Variants in CRYBG2 observed in about 807,000 individuals in gnomAD.
CRYBG2 encodes the protein crystallin beta-gamma domain containing 2.
CRYBG2 carries 106 observed loss-of-function variants against 153.4 expected under a neutral mutation model. The ratio of observed to expected loss-of-function variants is 0.69; its 90% CI spans 0.59 to 0.81. The LOEUF is 0.81. CRYBG2 is among the 30% of genes least tolerant of loss of function. CRYBG2 has a pLI of 0.00. For missense variants in CRYBG2, 1,996 were observed against 2,112.0 expected (o/e 0.95, Z 1.08); for synonymous variants, 851 against 877.8 (o/e 0.97, Z 0.54).
In CRYBG2 at chr1:26,322,255, G is replaced by C. The variant is rs915793747; in HGVS notation, c.4806C>G (p.Ala1602=). The C allele has an allele frequency of 6.2e-7, 1 of 1,613,982 alleles. No homozygotes were observed. Among genetic ancestry groups the C allele is most frequent in the Non-Finnish European group, 8.5e-7 (1 of 1,180,014 alleles). The change falls in exon 19 of 20, where the codon GCC becomes GCG. Residue 1602 remains alanine (A), a synonymous_variant. Coordinates refer to ENST00000308182, the MANE Select transcript of CRYBG2 (RefSeq NM_001039775.4). The part of the protein sequence containing the change: ...PSPGSKVVLW[A]ESRLPRQTWS... The stretch of plus-strand genomic sequence containing the variant: ...ACGTCTGGCGCGGCAGGCGGCTCTC[G>C]GCCCACAGCACCACCTTGGAGCCTG...
chr1:26,338,289 G>A, intron 7 of CRYBG2, 62 bp downstream of exon 7: 2 of 1,534,538 alleles, frequency 1.3e-6, no homozygotes, highest in East Asian at 2.3e-5. Context: ...TGCAGGACCA[G>A]CTACTTGGGA....
In CRYBG2 at chr1:26,343,309, G is replaced by T. The variant is rs535496107; in HGVS notation, c.2914-16C>A. ...AGGCTGGGCTCTGAAACGGAGGCAG[G>T]TGATAAAGAAGTCCTGTGGGGTCAC... On this transcript the variant is annotated splice_polypyrimidine_tract_variant and intron_variant, in intron 2 of 19. Coordinates refer to ENST00000308182, the MANE Select transcript of CRYBG2 (RefSeq NM_001039775.4). This position sits in a 1 kb window ranked among gnomAD's most constrained non-coding sequence, Gnocchi z 4.1. 5.2e-6 allele frequency: 8 copies of T among 1,550,318 alleles called. No individual in the cohort carries two copies. The highest frequency in any genetic ancestry group is 6.1e-6 in the Non-Finnish European group (7 of 1,146,930).
In CRYBG2 at chr1:26,336,478, C is replaced by T; in HGVS notation, c.4039-108G>A. ...CGCGGCCGCGCCCTCGGCCCCGCCC[C>T]CTTCTAAGGCCCCGCCCCAAGCGCC... On this transcript the variant is annotated intron_variant, in intron 12 of 19. Transcript: ENST00000308182. The surrounding 1 kb of genome is among the most constrained non-coding windows in gnomAD (Gnocchi z 4.9). The T allele has an allele frequency of 6.4e-7, 1 of 1,550,484 alleles. No homozygotes were observed. Among genetic ancestry groups the T allele is most frequent in the Non-Finnish European group, 8.7e-7 (1 of 1,146,432 alleles).
intron 6 of CRYBG2, 40 bp from the exon 7 acceptor site, chr1:26,338,517 A>G: frequency 6.5e-7 from 1 of 1,537,126 alleles, no homozygotes; most frequent in Non-Finnish European, 8.7e-7. Flanking sequence ...TAGCAGAGAG[A>G]CTTCAAGGGA....
rs762265278 is a variant in CRYBG2, at chr1:26,336,929, G to GC, written c.3822dup (p.His1275AlafsTer53). ...AATGCCTTGCTCACCTCCACGCCGT[G>GC]CCCCTCGAAGTCCATGGCCTCAAAT... On this transcript the variant is annotated frameshift_variant, in exon 11 of 20. Coordinates refer to ENST00000308182, the MANE Select transcript of CRYBG2 (RefSeq NM_001039775.4). LOFTEE classifies it high-confidence loss of function. This position sits in a 1 kb window ranked among gnomAD's most constrained non-coding sequence, Gnocchi z 4.9. 1.9e-5 allele frequency: 30 copies of GC among 1,613,172 alleles called. No individual in the cohort carries two copies. Among genetic ancestry groups the GC allele is most frequent in the Non-Finnish European group, 1.7e-6 (2 of 1,179,740 alleles).
rs2074066968 is a variant in CRYBG2, at chr1:26,336,917, C to T, written c.3835G>A (p.Val1279Met). The T allele has an allele frequency of 6.2e-7, 1 of 1,612,846 alleles. No individual in the cohort carries two copies. The highest frequency in any genetic ancestry group is 8.5e-7 in the Non-Finnish European group (1 of 1,179,570). The change falls in exon 11 of 20, where the codon GTG becomes ATG. Residue 1279 changes from valine to methionine, a missense_variant. Transcript: ENST00000308182. The surrounding 1 kb of genome is among the most constrained non-coding windows in gnomAD (Gnocchi z 4.9). Reference sequence around the variant, plus strand: ...TCCACATCCGGCAATGCCTTGCTCACCTCCACGCCGTGCCCCTCGAAGTCC... The same window carrying T: ...TCCACATCCGGCAATGCCTTGCTCATCTCCACGCCGTGCCCCTCGAAGTCC... ...AMDFEGHGVE[V>M]SKALPDVELV...
chr1:26,335,195 C>T (rs1339951793), intron 14 of CRYBG2, among the ~76,000 whole-genome samples: 1 of 150,810 alleles, frequency 6.6e-6, no homozygotes, highest in Non-Finnish European at 1.5e-5. Flanking sequence ...CTACTGGGGT[C>T]GCCGGGCGCA....
At chr1:26,353,002 C>G (rs980328523) in intron 1 of CRYBG2, among the ~76,000 whole-genome samples, 10 of 152,188 alleles carry the variant, frequency 6.6e-5, no homozygotes, top group African/African-American at 2.4e-4. Context: ...CTAGAAAACC[C>G]TGGAGCCCAC....
At chr1:26,334,165 G>A (rs938696354) in intron 14 of CRYBG2, among the ~76,000 whole-genome samples, 1 of 152,200 alleles carries the variant, frequency 6.6e-6, no homozygotes, top group African/African-American at 2.4e-5. Context: ...GCTCACACCT[G>A]TAATCCCAAC....
At chr1:26,324,443 T>C in intron 17 of CRYBG2, 133 bp from the exon 18 acceptor site, 1 of 958,576 alleles carries the variant, frequency 1.0e-6, no homozygotes, top group Non-Finnish European at 1.5e-6. Context: ...TCCTTGACTC[T>C]ATTTCTAAGT....
At chr1:26,337,776 C>A in intron 8 of CRYBG2, 102 bp from the exon 9 acceptor site, 2 of 1,469,882 alleles carry the variant, frequency 1.4e-6, no homozygotes, top group South Asian at 2.5e-5. Flanking sequence ...CCCCCCAGCC[C>A]TCCCACCTCC....
At chr1:26,338,571 G>A (rs1207157308) in intron 6 of CRYBG2, 94 bp from the exon 7 acceptor site, 25 of 1,352,326 alleles carry the variant, frequency 1.8e-5, no homozygotes, top group Non-Finnish European at 2.3e-5. Context: ...TGGAAAAGGA[G>A]GTTTTCTGGG....
rs559469411 is a variant in CRYBG2, at chr1:26,345,229, G to C, written c.1429C>G (p.Arg477Gly). The C allele has an allele frequency of 6.5e-7, 1 of 1,533,794 alleles. No homozygotes were observed. The highest frequency in any genetic ancestry group is 1.2e-5 in the South Asian group (1 of 85,494). ...CTGGACCCCTGCACCACCTCCTTCCGGGTGGGAGATGAGGCAGCAGGAGCA... is the reference window on the plus strand; with the variant it reads ...CTGGACCCCTGCACCACCTCCTTCCCGGTGGGAGATGAGGCAGCAGGAGCA... ...PGAPAASSPTRKEVVQGSSAS... is the reference protein window; with the variant it reads ...PGAPAASSPTGKEVVQGSSAS... The change falls in exon 2 of 20, where the codon CGG (arginine) becomes GGG (glycine). Residue 477 changes from arginine to glycine, a missense_variant. Physicochemically the swap from Arg to Gly is moderately radical, Grantham distance 125. Coordinates refer to ENST00000308182, the MANE Select transcript of CRYBG2 (RefSeq NM_001039775.4).
chr1:26,345,362 G>T lies in CRYBG2; in HGVS notation c.1296C>A (p.Ser432Arg). ...PSTTRRKDVP[S>R]PGGLSAPSSP... Reference sequence around the variant, plus strand: ...ACGATGGAGCAGAAAGACCTCCTGGGCTGGGGACATCCTTCCTTCTTGTAG... The same window carrying T: ...ACGATGGAGCAGAAAGACCTCCTGGTCTGGGGACATCCTTCCTTCTTGTAG... Residue 432 changes from serine to arginine, a missense_variant, in exon 2 of 20, where the codon AGC becomes AGA. Transcript: ENST00000308182. 6.2e-7 allele frequency: 1 copy of T among 1,613,384 alleles called. No individual in the cohort carries two copies. The highest frequency in any genetic ancestry group is 1.1e-5 in the South Asian group (1 of 91,084).
intron 1 of CRYBG2, among the ~76,000 whole-genome samples, chr1:26,351,559 C>T (rs1465997725): frequency 1.3e-5 from 2 of 152,170 alleles, no homozygotes; most frequent in Admixed American, 1.3e-4. Flanking sequence ...ATTTGGAAAG[C>T]GCCATAGGCA....
chr1:26,331,935 T>C (rs937585525), intron 14 of CRYBG2, among the ~76,000 whole-genome samples: 1 of 152,314 alleles, frequency 6.6e-6, no homozygotes, highest in Admixed American at 6.5e-5. Flanking sequence ...CAGGGGGCTA[T>C]TCATTATGGC....
chr1:26,344,093 G>GC lies in CRYBG2; in HGVS notation c.2564dup (p.Ser855ArgfsTer100). 1 of 1,536,126 alleles carries GC rather than the reference G, an allele frequency of 6.5e-7. No individual in the cohort carries two copies. Among genetic ancestry groups the GC allele is most frequent in the South Asian group, 1.2e-5 (1 of 84,064 alleles). ...TGGCAGGGTGGAGGTCCCTGGAGGG[G>GC]CTGGGCCCAGCTTTCTCCTGCCTGC... is the stretch of plus-strand genomic sequence containing the variant. On this transcript the variant is annotated frameshift_variant, in exon 2 of 20. Coordinates refer to ENST00000308182, the MANE Select transcript of CRYBG2 (RefSeq NM_001039775.4). LOFTEE classifies it high-confidence loss of function.
In CRYBG2 at chr1:26,346,312, C is replaced by G; in HGVS notation, c.346G>C (p.Glu116Gln). ...CTGCCATCACTCTGGTCCACAGCCTCCTTCAGCCTCCCCTCAGGCCTTTTC... is the reference window on the plus strand; with the variant it reads ...CTGCCATCACTCTGGTCCACAGCCTGCTTCAGCCTCCCCTCAGGCCTTTTC... ...KEKRPEGRLK[E>Q]AVDQSDGSRQ... Residue 116 changes from glutamate to glutamine, a missense_variant, in exon 2 of 20, where the codon GAG (glutamate) becomes CAG (glutamine). Coordinates refer to ENST00000308182, the MANE Select transcript of CRYBG2 (RefSeq NM_001039775.4). The surrounding 1 kb of genome is among the most constrained non-coding windows in gnomAD (Gnocchi z 4.9). 6.3e-7 allele frequency: 1 copy of G among 1,599,284 alleles called. No individual in the cohort carries two copies.
chr1:26,328,260 C>A lies in CRYBG2; in HGVS notation c.4527G>T (p.Trp1509Cys), dbSNP rs781557701. 6.4e-7 allele frequency: 1 copy of A among 1,566,636 alleles called. No individual in the cohort carries two copies. Among genetic ancestry groups the A allele is most frequent in the Non-Finnish European group, 8.7e-7 (1 of 1,155,536 alleles). The change falls in exon 17 of 20, where the codon TGG becomes TGT. Residue 1509 changes from tryptophan to cysteine, a missense_variant. Physicochemically the swap from Trp to Cys is radical, Grantham distance 215 (BLOSUM62 -2). Coordinates refer to ENST00000308182, the MANE Select transcript of CRYBG2 (RefSeq NM_001039775.4). ...WLVGSCEITN[W>C]LTYSGTQRVG... The stretch of plus-strand genomic sequence containing the variant: ...CCCTCTGGGTGCCGCTGTAGGTCAG[C>A]CAGTTGGTGATCTCGCAGCTTCCCA...
Sources: allele counts gnomAD v4.1 joint callset (sites outside exome capture counted in the v4.1 genomes callset), GRCh38; gene constraint gnomAD v4.1.1; non-coding constraint Gnocchi (gnomAD v3.1); transcripts MANE v1.5; gene names NCBI Gene and HGNC (gene_info 2026-07-23, HGNC 2026-07-21).